PUDP: variants seen among roughly 807,000 people sequenced by gnomAD.
PUDP encodes the protein pseudouridine-5'-phosphatase.
A neutral mutation model predicts 9.4 loss-of-function variants in PUDP; 8 were observed. That is an observed-to-expected ratio of 0.85 (90% CI 0.50 to 1.53). The LOEUF (loss-of-function observed/expected upper bound fraction) is 1.53. Among genes scored for constraint, PUDP ranks in the 40% most tolerant of loss-of-function variants. The pLI is 0.00. For synonymous variants in PUDP, 99 were observed against 80.7 expected (o/e 1.23, Z -1.22); for missense variants, 188 against 189.7 (o/e 0.99, Z 0.05).
chrX:7,016,499 C>T (rs1929550917), intron 1 of PUDP, among the ~76,000 whole-genome samples: 1 of 111,003 alleles, frequency 9.0e-6, no homozygotes, highest in African/African-American at 3.3e-5. Context: ...TAAAGTCCTC[C>T]CCACCCCACC....
At chrX:7,040,040 C>G (rs1929901257) in intron 1 of PUDP, among the ~76,000 whole-genome samples, 1 of 112,157 alleles carries the variant, frequency 8.9e-6, no homozygotes, top group African/African-American at 3.2e-5. Flanking sequence ...CACCTCTGAC[C>G]TTCACAGGTA....
intron 3 of PUDP, among the ~76,000 whole-genome samples, chrX:6,892,903 G>A (rs1927536189): frequency 9.0e-6 from 1 of 111,671 alleles, no homozygotes; most frequent in Non-Finnish European, 1.9e-5. Context: ...CCTTGGTCTT[G>A]GACTTCCAGC....
At chrX:6,939,346 T>C (rs936614637) in intron 3 of PUDP, among the ~76,000 whole-genome samples, 2 of 106,877 alleles carry the variant, frequency 1.9e-5, no homozygotes, top group Non-Finnish European at 3.8e-5. Context: ...ATTAATATTG[T>C]AAATATAATA....
At chrX:7,148,008 A>C in intron 1 of PUDP, 45 bp downstream of exon 1, 1 of 1,055,588 alleles carries the variant, frequency 9.5e-7, no homozygotes, top group Non-Finnish European at 1.3e-6. Flanking sequence ...CCCCACGCCC[A>C]CACAAGACCG....
chrX:6,924,384 A>G (rs1175346950), intron 3 of PUDP, among the ~76,000 whole-genome samples: 1 of 112,060 alleles, frequency 8.9e-6, no homozygotes, highest in African/African-American at 3.2e-5. Context: ...ACGGGGGTTG[A>G]AAGAGGACTG....
At chrX:7,069,275 G>A (rs1930659555) in intron 3 of PUDP, among the ~76,000 whole-genome samples, 1 of 111,461 alleles carries the variant, frequency 9.0e-6, no homozygotes, top group Non-Finnish European at 1.9e-5. Flanking sequence ...GTGAGGAGGC[G>A]AGGATGCAGT....
intron 3 of PUDP, among the ~76,000 whole-genome samples, chrX:6,788,023 G>A (rs907389945): frequency 3.6e-5 from 4 of 111,661 alleles, no homozygotes; most frequent in African/African-American, 1.3e-4. Context: ...TGTTCAAAGT[G>A]TCGGGGGGAG....
chrX:7,143,633 A>C (rs1264223903), intron 1 of PUDP, among the ~76,000 whole-genome samples: 1 of 112,467 alleles, frequency 8.9e-6, no homozygotes, highest in African/African-American at 3.2e-5. Context: ...AAACAGAACC[A>C]AACGGAGCTA....
At chrX:6,883,343 G>A (rs567240993) in intron 3 of PUDP, among the ~76,000 whole-genome samples, 2 of 110,088 alleles carry the variant, frequency 1.8e-5, no homozygotes, top group Admixed American at 9.7e-5. Flanking sequence ...CCAACATGGC[G>A]AAACCCCATC....
chrX:6,741,015 C>A (rs970814987), intron 3 of PUDP, among the ~76,000 whole-genome samples: 1 of 110,281 alleles, frequency 9.1e-6, no homozygotes, highest in Non-Finnish European at 1.9e-5. Flanking sequence ...AAAAACTACC[C>A]GGGCGTGGTG....
chrX:6,804,999 G>T (rs1255382071), intron 3 of PUDP, among the ~76,000 whole-genome samples: 1 of 111,997 alleles, frequency 8.9e-6, no homozygotes, highest in East Asian at 2.8e-4. Context: ...GGGCACGGGG[G>T]CTCATGCCTG....
chrX:6,806,103 G>A (rs1335584878), intron 3 of PUDP, among the ~76,000 whole-genome samples: 2 of 111,138 alleles, frequency 1.8e-5, no homozygotes, highest in East Asian at 2.8e-4. Flanking sequence ...ACAGAGAGAC[G>A]TCTACTACCC....
intron 3 of PUDP, among the ~76,000 whole-genome samples, chrX:6,764,826 C>T (rs184573173): frequency 9.0e-6 from 1 of 111,715 alleles, no homozygotes; most frequent in East Asian, 2.8e-4. Context: ...ATACTGACTA[C>T]TACTGATAAA....
intron 3 of PUDP, among the ~76,000 whole-genome samples, chrX:6,752,807 G>T (rs773157420): frequency 2.7e-5 from 3 of 111,505 alleles, no homozygotes; most frequent in Non-Finnish European, 5.7e-5. Context: ...AGCAATCAAG[G>T]TTGCTTAATC....
At chrX:6,860,291 T>TC (rs1926977318) in intron 3 of PUDP, among the ~76,000 whole-genome samples, 1 of 110,087 alleles carries the variant, frequency 9.1e-6, no homozygotes, top group Non-Finnish European at 1.9e-5. Context: ...CCCTATTTTT[T>TC]CTCTTTATTA....
chrX:7,112,086 C>T (rs1236458108), intron 1 of PUDP, among the ~76,000 whole-genome samples: 2 of 111,542 alleles, frequency 1.8e-5, no homozygotes, highest in South Asian at 3.8e-4. Context: ...ACAAACACTT[C>T]TTAATTGCCG....
chrX:6,933,827 T>A (rs1189563009), intron 3 of PUDP, among the ~76,000 whole-genome samples: 1 of 110,248 alleles, frequency 9.1e-6, no homozygotes, highest in African/African-American at 3.3e-5. Context: ...GAGAACTAGG[T>A]GAAGAATGCA....
At chrX:7,105,069 C>T (rs1007101694) in intron 2 of PUDP, among the ~76,000 whole-genome samples, 5 of 110,907 alleles carry the variant, frequency 4.5e-5, no homozygotes, top group African/African-American at 9.8e-5. Context: ...TTAACAAGCA[C>T]GGAGGGAACA....
At chrX:6,939,758 A>C (rs1367253223) in intron 3 of PUDP, among the ~76,000 whole-genome samples, 1 of 108,392 alleles carries the variant, frequency 9.2e-6, no homozygotes, top group African/African-American at 3.4e-5. Context: ...TCCAGCTATG[A>C]GGGAGGATCA....
Sources: gnomAD v4.1 joint callset for allele counts (sites outside exome capture counted in the v4.1 genomes callset) on GRCh38, gnomAD v4.1.1 for gene constraint, MANE v1.5 for transcripts, NCBI Gene and HGNC (gene_info 2026-07-23, HGNC 2026-07-21) for gene names.